Variants in CCDC122 observed in about 807,000 individuals in gnomAD.
CCDC122 encodes coiled-coil domain-containing protein 122.
CCDC122 carries 38 observed loss-of-function variants against 37.0 expected under a neutral mutation model. The observed-to-expected ratio is 1.03, with a 90% CI of 0.79 to 1.35. The LOEUF is 1.35. Ranked by LOEUF, CCDC122 falls within the 40% of genes most tolerant of loss-of-function variation. CCDC122 has a pLI of 0.00. For missense variants in CCDC122, 305 were observed against 310.0 expected, an observed-to-expected ratio of 0.98 and a Z score of 0.12; for synonymous variants, 83 against 95.6, an observed-to-expected ratio of 0.87 and a Z score of 0.77.
At chr13:43,835,349 T>C (rs185316187), downstream of CCDC122, among the ~76,000 whole-genome samples, 2 of 152,082 alleles carry the variant, frequency 1.3e-5, no homozygotes, top group Non-Finnish European at 2.9e-5. Context: ...TTAGGAGATA[T>C]ACCTAATACT....
chr13:43,850,150 C>A (rs1272544024), intron 6 of CCDC122, among the ~76,000 whole-genome samples: 1 of 152,106 alleles, frequency 6.6e-6, no homozygotes, highest in Non-Finnish European at 1.5e-5. Context: ...ACTAGTCTTT[C>A]CCCCTTCCAT....
At chr13:43,822,189 G>A (rs117967603), downstream of CCDC122, among the ~76,000 whole-genome samples, 539 of 152,304 alleles carry the variant, frequency 3.5e-3, 20 homozygotes, top group East Asian at 0.09. Context: ...ATAATGCTGT[G>A]GTTCTTGCAG....
rs1954041794 is a variant in CCDC122 at position 43,859,672 on chromosome 13, C to T, written c.555G>A (p.Gln185=). 6.6e-7 allele frequency: 1 copy of T among 1,508,956 alleles called. No individual in the cohort carries two copies. The highest frequency in any genetic ancestry group is 8.8e-7 in the Non-Finnish European group (1 of 1,133,786). The allele number at this position is 1,508,956 out of a possible 1,614,324, so 93.5% of individuals were successfully genotyped here. The change falls in exon 5 of 7, where the codon CAG becomes CAA. Residue 185 remains glutamine (Q), a splice_region_variant and synonymous_variant. Coordinates refer to ENST00000444614, the MANE Select transcript of CCDC122 (RefSeq NM_144974.5). ...NPGGNRITQV[Q]EDITNLKDKI... ...AGTTTTACTAAGTAATTTTGCACAC[C>T]TGTACTTGTGTTATTCGGTTCCCTC...
At chr13:43,854,840 G>T (rs879866845) in intron 6 of CCDC122, 1 of 152,022 alleles carries the variant, frequency 6.6e-6, no homozygotes, top group Non-Finnish European at 1.5e-5. Flanking sequence ...CAATAAATAT[G>T]ATTCATCATA....
Position 43,868,789 on chromosome 13 carries a change from T to C in CCDC122, c.61A>G (p.Ser21Gly), listed in dbSNP as rs765686693. ...TTCTCTACAGCATCAGCTAATGAAC[T>C]TGTGTCTTGGTTATCTACAATTAGA... Reference protein sequence around the residue: ...GFPKEDNQDTSSLADAVEKVA... With the variant: ...GFPKEDNQDTGSLADAVEKVA... The change falls in exon 4 of 7, where the codon AGT becomes GGT. Residue 21 changes from serine (S) to glycine (G), a missense_variant. Coordinates refer to ENST00000444614, the MANE Select transcript of CCDC122 (RefSeq NM_144974.5). 8 of 1,516,076 alleles carry C rather than the reference T, an allele frequency of 5.3e-6. No homozygotes were observed. The highest frequency in any genetic ancestry group is 1.4e-5 in the African/African-American group (1 of 70,836). 93.9% of individuals were successfully genotyped at this position (1,516,076 alleles called of 1,614,324 possible).
At chr13:43,837,450 A>G in intron 6 of CCDC122, 21 bp from the exon 7 acceptor site, 1 of 1,600,886 alleles carries the variant, frequency 6.2e-7, no homozygotes, top group Non-Finnish European at 8.5e-7. Flanking sequence ...AAGAGCACAC[A>G]TCAACAGGGC....
chr13:43,840,569 G>A (rs1178693571), intron 6 of CCDC122, among the ~76,000 whole-genome samples: 1 of 151,790 alleles, frequency 6.6e-6, no homozygotes, highest in East Asian at 1.9e-4. Flanking sequence ...GTGATGTGAT[G>A]TTCCCCTTCC....
intron 6 of CCDC122, among the ~76,000 whole-genome samples, chr13:43,851,994 T>C (rs1411285081): frequency 6.6e-6 from 1 of 150,752 alleles, no homozygotes; most frequent in Non-Finnish European, 1.5e-5. Flanking sequence ...GATTGAAGCA[T>C]AAGCCCATAA....
intron 6 of CCDC122, among the ~76,000 whole-genome samples, chr13:43,839,952 G>A (rs1278983761): frequency 6.6e-6 from 1 of 152,134 alleles, no homozygotes; most frequent in Non-Finnish European, 1.5e-5. Flanking sequence ...GTAAATTTGA[G>A]GTACAGGAAT....
At chr13:43,836,288 G>C (rs1382122291), downstream of CCDC122, 2 of 152,118 alleles carry the variant, frequency 1.3e-5, no homozygotes, top group Non-Finnish European at 2.9e-5. Flanking sequence ...TTAGTCTATA[G>C]TGAGTAATAC....
At chr13:43,839,101 G>A (rs573101973) in intron 6 of CCDC122, among the ~76,000 whole-genome samples, 347 of 152,214 alleles carry the variant, frequency 2.3e-3, no homozygotes, top group African/African-American at 8.2e-3. Context: ...GGTAATGGGC[G>A]GGTATGGAAA....
chr13:43,833,937 T>C (rs1436739502), downstream of CCDC122, among the ~76,000 whole-genome samples: 1 of 152,222 alleles, frequency 6.6e-6, no homozygotes, highest in Non-Finnish European at 1.5e-5. Context: ...CTAGGTTCAA[T>C]TATACAGAAC....
intron 6 of CCDC122, among the ~76,000 whole-genome samples, chr13:43,843,120 C>T (rs541230631): frequency 1.3e-3 from 196 of 152,182 alleles, no homozygotes; most frequent in African/African-American, 4.6e-3. Flanking sequence ...AAGCATTCAA[C>T]ATTTCACCAG....
At chr13:43,877,199 G>A (rs1414294460) in intron 1 of CCDC122, among the ~76,000 whole-genome samples, 2 of 152,170 alleles carry the variant, frequency 1.3e-5, no homozygotes, top group African/African-American at 2.4e-5. Flanking sequence ...AAAATCTTGG[G>A]AAATCTTAGC....
intron 3 of CCDC122, among the ~76,000 whole-genome samples, chr13:43,826,773 T>C (rs1953044640): frequency 6.6e-6 from 1 of 152,194 alleles, no homozygotes; most frequent in Non-Finnish European, 1.5e-5. Flanking sequence ...GCTGGTTTTC[T>C]GAAAATGACT....
At chr13:43,844,803 A>G (rs1370969232) in intron 6 of CCDC122, among the ~76,000 whole-genome samples, 2 of 152,112 alleles carry the variant, frequency 1.3e-5, no homozygotes, top group African/African-American at 4.8e-5. Context: ...AGATTGGTGT[A>G]TTCATCGTGT....
intron 6 of CCDC122, among the ~76,000 whole-genome samples, chr13:43,852,761 G>T (rs1170880006): frequency 6.6e-6 from 1 of 151,566 alleles, no homozygotes; most frequent in Admixed American, 6.6e-5. Context: ...ACCTACAAAG[G>T]GATACCCATC....
chr13:43,846,224 G>A (rs897736756), intron 6 of CCDC122, among the ~76,000 whole-genome samples: 3 of 151,930 alleles, frequency 2.0e-5, no homozygotes, highest in East Asian at 3.9e-4. Context: ...ACAGGTGCCC[G>A]CCACCACGCC....
intron 4 of CCDC122, among the ~76,000 whole-genome samples, chr13:43,863,923 CCAA>C (rs1401388396): frequency 6.6e-6 from 1 of 152,096 alleles, no homozygotes; most frequent in East Asian, 1.9e-4. Flanking sequence ...ATTGCCAAGC[CCAA>C]CATCAATAAG....
Sources: allele counts gnomAD v4.1 joint callset (sites outside exome capture counted in the v4.1 genomes callset), GRCh38; gene constraint gnomAD v4.1.1; transcripts MANE v1.5; gene names NCBI Gene and HGNC (gene_info 2026-07-23, HGNC 2026-07-21).